The following SEPTIN2 variants were observed in gnomAD, a reference collection of about 807,000 sequenced individuals.
SEPTIN2 encodes septin 2.
In SEPTIN2, 34 loss-of-function variants were observed where a neutral mutation model predicts 46.5. That is an observed-to-expected ratio of 0.73 (90% confidence interval 0.56 to 0.97). The LOEUF is 0.97. Among genes scored for constraint, SEPTIN2 ranks in the 50% least tolerant of loss-of-function variants. The pLI is 0.00. For synonymous variants in SEPTIN2, 175 were observed against 153.4 expected (o/e 1.14, Z -1.04); for missense variants, 347 against 448.4 (o/e 0.77, Z 2.04).
chr2:241,327,647 C>T (rs983530457), intron 3 of SEPTIN2, among the ~76,000 whole-genome samples: 10 of 151,992 alleles, frequency 6.6e-5, no homozygotes, highest in East Asian at 1.9e-4. Flanking sequence ...CATCATAACA[C>T]GCTACCAGAA....
chr2:241,336,072 T>C lies in SEPTIN2; in HGVS notation c.315T>C (p.Tyr105=). 1 of 1,614,206 alleles carries C rather than the reference T, an allele frequency of 6.2e-7. No individual in the cohort carries two copies. Among genetic ancestry groups the C allele is most frequent in the Non-Finnish European group, 8.5e-7 (1 of 1,180,020 alleles). ...TGACAGTGGTAGATACCCCTGGCTA[T>C]GGTGACGCTATCAACTGCAGAGATT... is the stretch of plus-strand genomic sequence containing the variant. ...LRLTVVDTPG[Y]GDAINCRDCF... is the part of the protein sequence containing the mutation. The change falls in exon 5 of 13, where the codon TAT becomes TAC. Residue 105 remains tyrosine, a synonymous_variant. Coordinates refer to ENST00000391971, the MANE Select transcript of SEPTIN2 (RefSeq NM_004404.5).
chr2:241,322,309 A>C (rs1682925294), intron 1 of SEPTIN2, among the ~76,000 whole-genome samples: 1 of 152,170 alleles, frequency 6.6e-6, no homozygotes, highest in African/African-American at 2.4e-5. Context: ...TTGTTTAAAA[A>C]TTCCACATAT....
At chr2:241,338,998 A>G (rs1282937565) in intron 7 of SEPTIN2, among the ~76,000 whole-genome samples, 1 of 116,366 alleles carries the variant, frequency 8.6e-6, no homozygotes, top group South Asian at 2.3e-4. Flanking sequence ...TTATAAATAT[A>G]TATAAATATT....
chr2:241,335,081 G>A, intron 3 of SEPTIN2, 45 bp from the exon 4 acceptor site: 1 of 1,340,704 alleles, frequency 7.5e-7, no homozygotes, highest in Non-Finnish European at 1.1e-6. Flanking sequence ...ATTGAATGGT[G>A]TCATATGAAT....
Position 241,343,797 on chromosome 2 carries a change from G to A in SEPTIN2, c.742G>A (p.Ala248Thr). 1 of 1,614,192 alleles carries A rather than the reference G, an allele frequency of 6.2e-7. No individual in the cohort carries two copies. The highest frequency in any genetic ancestry group is 1.1e-5 in the South Asian group (1 of 91,078). ...SVVGSNQLIEAKGKKVRGRLY... is the reference protein window; with the variant it reads ...SVVGSNQLIETKGKKVRGRLY... ...GGTTGGATCCAATCAGTTGATTGAAGCCAAAGGAAAGAAGGTCAGAGGCCG... is the reference window on the plus strand; with the variant it reads ...GGTTGGATCCAATCAGTTGATTGAAACCAAAGGAAAGAAGGTCAGAGGCCG... The change falls in exon 9 of 13, where the codon GCC becomes ACC. Residue 248 changes from alanine to threonine, a missense_variant. Transcript: ENST00000391971.
rs1039064824 is a variant in SEPTIN2, at chr2:241,336,217, G to A, written c.341+119G>A. On this transcript the variant is annotated intron_variant, in intron 5 of 12. Coordinates refer to ENST00000391971, the MANE Select transcript of SEPTIN2 (RefSeq NM_004404.5). ...ATTGCTGTATATAATAAAACACCTA[G>A]ACAATTTAAAGCGTGTTAAATGTTG... The A allele has an allele frequency of 3.8e-6, 4 of 1,046,892 alleles. No homozygotes were observed. The African/African-American group carries it at 6.5e-5, about 17-fold the overall frequency. 64.9% of individuals were successfully genotyped at this position (1,046,892 alleles called of 1,614,324 possible). A position where few individuals can be genotyped will look rare whatever the true frequency, so the allele number is the denominator to read the frequency against.
chr2:241,343,421 C>T (rs776388603), intron 8 of SEPTIN2, among the ~76,000 whole-genome samples: 11 of 152,038 alleles, frequency 7.2e-5, no homozygotes, highest in African/African-American at 2.4e-4. Context: ...ATCACTTGAA[C>T]CCAGGAGGCA....
At chr2:241,324,312 G>T (rs1403057094) in intron 2 of SEPTIN2, 71 bp downstream of exon 2, 5 of 1,200,522 alleles carry the variant, frequency 4.2e-6, no homozygotes, top group Non-Finnish European at 6.1e-6. Context: ...TTGACAGTCG[G>T]GACTTATATG....
intron 9 of SEPTIN2, among the ~76,000 whole-genome samples, chr2:241,344,455 T>C (rs1055034809): frequency 2.6e-5 from 4 of 152,216 alleles, no homozygotes; most frequent in African/African-American, 9.7e-5. Context: ...TCCCAGCACT[T>C]TGGGAGGCTG....
intron 12 of SEPTIN2, 82 bp downstream of exon 12, chr2:241,350,285 G>C: frequency 1.4e-6 from 1 of 716,316 alleles, no homozygotes; most frequent in East Asian, 3.2e-5. Context: ...TCCTCCTTAA[G>C]CCTCATTAAT....
intron 3 of SEPTIN2, among the ~76,000 whole-genome samples, chr2:241,327,218 C>T (rs1014280130): frequency 6.6e-6 from 1 of 151,352 alleles, no homozygotes; most frequent in African/African-American, 2.4e-5. Context: ...AAATGGATCT[C>T]GATGGCAAAG....
At chr2:241,344,114 G>T (rs1423534076) in intron 9 of SEPTIN2, among the ~76,000 whole-genome samples, 1 of 152,136 alleles carries the variant, frequency 6.6e-6, no homozygotes, top group Non-Finnish European at 1.5e-5. Flanking sequence ...TAGCGCTTCT[G>T]CCTGTGGCCT....
In SEPTIN2 at chr2:241,344,026, A is replaced by G. The variant is rs576297783; in HGVS notation, c.842+129A>G. The G allele has an allele frequency of 2.2e-5, 25 of 1,143,644 alleles. No individual in the cohort carries two copies. The East Asian group carries it at 5.6e-4, about 26-fold the overall frequency. 70.8% of individuals were successfully genotyped at this position (1,143,644 alleles called of 1,614,324 possible). The stretch of plus-strand genomic sequence containing the variant: ...CATTGCCGCCCTCAGTGTTTCTCAC[A>G]TCGCAGAAGTGGTGTGGGGCTGTTG... On this transcript the variant is annotated intron_variant, in intron 9 of 12. Coordinates refer to ENST00000391971, the MANE Select transcript of SEPTIN2 (RefSeq NM_004404.5).
Position 241,337,469 on chromosome 2 carries a change from T to C in SEPTIN2, c.429T>C (p.Asp143=). ...ESGLNRRHII[D]NRVHCCFYFI... is the part of the protein sequence containing the mutation. ...GCTTGAACAGGCGGCACATCATTGATAATAGGGTGCATTGTTGCTTTTACT... is the reference window on the plus strand; with the variant it reads ...GCTTGAACAGGCGGCACATCATTGACAATAGGGTGCATTGTTGCTTTTACT... Residue 143 remains aspartate, a synonymous_variant, in exon 6 of 13, where the codon GAT becomes GAC. Coordinates refer to ENST00000391971, the MANE Select transcript of SEPTIN2 (RefSeq NM_004404.5). 1 of 1,614,142 alleles carries C rather than the reference T, an allele frequency of 6.2e-7. No homozygotes were observed. The highest frequency in any genetic ancestry group is 8.5e-7 in the Non-Finnish European group (1 of 1,180,010).
chr2:241,317,284 C>T (rs570940712), intron 1 of SEPTIN2, among the ~76,000 whole-genome samples: 7 of 152,272 alleles, frequency 4.6e-5, no homozygotes, highest in African/African-American at 1.4e-4. Flanking sequence ...ATCTCATTAG[C>T]TATAAAGGTT....
chr2:241,316,275 TGTC>T, intron 1 of SEPTIN2: 1 of 412,334 alleles, frequency 2.4e-6, no homozygotes, highest in Non-Finnish European at 4.4e-6. Flanking sequence ...TCCTCTGCAC[TGTC>T]GTCGGTGCTG....
rs769427225 is a variant in SEPTIN2 at position 241,343,848 on chromosome 2, G to T, written c.793G>T (p.Val265Leu). ...GRLYPWGVVE[V>L]ENPEHNDFLK... ...CCTCTACCCCTGGGGTGTTGTGGAA[G>T]TGGAGAACCCAGAGCACAATGACTT... Residue 265 changes from valine to leucine, a missense_variant, in exon 9 of 13, where the codon GTG becomes TTG. Physicochemically the swap from Val to Leu is conservative, Grantham distance 32 (BLOSUM62 1). Coordinates refer to ENST00000391971, the MANE Select transcript of SEPTIN2 (RefSeq NM_004404.5). 1.9e-6 allele frequency: 3 copies of T among 1,614,108 alleles called. No individual in the cohort carries two copies. The highest frequency in any genetic ancestry group is 2.5e-6 in the Non-Finnish European group (3 of 1,180,042).
At chr2:241,343,694 C>T in intron 8 of SEPTIN2, 58 bp from the exon 9 acceptor site, 1 of 1,593,702 alleles carries the variant, frequency 6.3e-7, no homozygotes, top group Non-Finnish European at 8.6e-7. Flanking sequence ...TCTCGTGTTG[C>T]CAGTGAACTC....
At chr2:241,324,605 T>A in intron 2 of SEPTIN2, 1 of 330,422 alleles carries the variant, frequency 3.0e-6, no homozygotes, top group Admixed American at 4.6e-5. Context: ...CAGGATGGCC[T>A]TGATCTGTTG....
Sources: allele counts gnomAD v4.1 joint callset (sites outside exome capture counted in the v4.1 genomes callset), GRCh38; gene constraint gnomAD v4.1.1; transcripts MANE v1.5; gene names NCBI Gene and HGNC (gene_info 2026-07-23, HGNC 2026-07-21).